PRKCE: variants seen among roughly 807,000 people sequenced by gnomAD.
PRKCE encodes the protein protein kinase C epsilon type.
Under a neutral mutation model 85.4 loss-of-function variants are expected in PRKCE, and 16 were observed. That is an observed-to-expected ratio of 0.19 (90% CI 0.13 to 0.28). The LOEUF (loss-of-function observed/expected upper bound fraction) is 0.28, where lower values mean the gene tolerates loss of function less well. PRKCE is among the 10% of genes least tolerant of loss of function. The pLI, the probability that PRKCE is intolerant of heterozygous loss-of-function variation, is 1.00. For missense variants in PRKCE, 573 were observed against 975.2 expected (o/e 0.59, Z 5.49); for synonymous variants, 388 against 371.5 (o/e 1.04, Z -0.51).
intron 1 of PRKCE, chr2:45,678,042 G>A (rs1027902363): frequency 1.5e-5 from 4 of 273,058 alleles, no homozygotes; most frequent in Admixed American, 6.5e-5. Context: ...GTTCTACACC[G>A]AGCCAGGGGG....
chr2:45,772,421 C>T (rs1285732003), intron 1 of PRKCE, among the ~76,000 whole-genome samples: 1 of 152,152 alleles, frequency 6.6e-6, no homozygotes, highest in East Asian at 1.9e-4. Context: ...GGACAGTCTC[C>T]TATCTCCAAG....
intron 11 of PRKCE, among the ~76,000 whole-genome samples, chr2:46,118,025 A>C (rs1672946310): frequency 6.6e-6 from 1 of 152,218 alleles, no homozygotes; most frequent in Non-Finnish European, 1.5e-5. Context: ...CTAATAGTCC[A>C]TGAAATCATG....
At chr2:45,953,906 A>C (rs528930595) in intron 2 of PRKCE, among the ~76,000 whole-genome samples, 11 of 152,328 alleles carry the variant, frequency 7.2e-5, no homozygotes, top group African/African-American at 2.4e-4. Flanking sequence ...CAGTTGATGT[A>C]GGCAAAGCAC....
intron 2 of PRKCE, among the ~76,000 whole-genome samples, chr2:45,957,714 C>T (rs957044154): frequency 1.3e-5 from 2 of 151,970 alleles, no homozygotes; most frequent in African/African-American, 4.8e-5. Context: ...AGTTTGAGAC[C>T]AGCCTGGGCA....
At chr2:45,965,991 T>C (rs988679123) in intron 2 of PRKCE, among the ~76,000 whole-genome samples, 4 of 151,948 alleles carry the variant, frequency 2.6e-5, no homozygotes, top group Non-Finnish European at 4.4e-5. Context: ...GGCAGATGTG[T>C]GGGGAGGTGG....
chr2:45,702,782 C>G (rs1678758038), intron 1 of PRKCE, among the ~76,000 whole-genome samples: 1 of 152,192 alleles, frequency 6.6e-6, no homozygotes, highest in African/African-American at 2.4e-5. Context: ...CGAACCACCT[C>G]TCTTTTCCAT....
At chr2:45,917,831 A>T (rs1165827631) in intron 2 of PRKCE, among the ~76,000 whole-genome samples, 2 of 152,192 alleles carry the variant, frequency 1.3e-5, no homozygotes, top group Non-Finnish European at 2.9e-5. Flanking sequence ...GAAGGCAGCT[A>T]AGGCCCGGCG....
chr2:45,738,114 TG>T (rs1207747872), intron 1 of PRKCE, among the ~76,000 whole-genome samples: 1 of 152,204 alleles, frequency 6.6e-6, no homozygotes, highest in Non-Finnish European at 1.5e-5. Flanking sequence ...CTGGCCTCCC[TG>T]CTGCCAATCT....
chr2:45,797,790 G>A (rs998037376), intron 1 of PRKCE, among the ~76,000 whole-genome samples: 1 of 152,192 alleles, frequency 6.6e-6, no homozygotes, highest in Non-Finnish European at 1.5e-5. Context: ...TAGCTTTGGC[G>A]CTTGGCGCTT....
intron 11 of PRKCE, among the ~76,000 whole-genome samples, chr2:46,121,739 C>T (rs17737466): frequency 0.1 from 15,837 of 152,202 alleles, 997 homozygotes; most frequent in Middle Eastern, 0.21. Context: ...GACAGGTGTG[C>T]CAGCCCTAAA....
At chr2:45,713,039 GT>G (rs1319026144) in intron 1 of PRKCE, among the ~76,000 whole-genome samples, 1 of 152,166 alleles carries the variant, frequency 6.6e-6, no homozygotes, top group African/African-American at 2.4e-5. Context: ...ACACCTTTGT[GT>G]TTTCATCTTG....
At chr2:46,069,406 T>A (rs1375135910) in intron 10 of PRKCE, among the ~76,000 whole-genome samples, 1 of 152,142 alleles carries the variant, frequency 6.6e-6, no homozygotes, top group Non-Finnish European at 1.5e-5. Flanking sequence ...AAGGATTTTT[T>A]AAAGTATATA....
intron 11 of PRKCE, among the ~76,000 whole-genome samples, chr2:46,115,121 C>T (rs866169407): frequency 5.3e-5 from 8 of 152,154 alleles, no homozygotes; most frequent in Non-Finnish European, 1.0e-4. Flanking sequence ...GTAGCGCAAC[C>T]GTCAGTTCTA....
intron 10 of PRKCE, among the ~76,000 whole-genome samples, chr2:46,066,503 G>T (rs1020512067): frequency 6.6e-6 from 1 of 152,186 alleles, no homozygotes; most frequent in Non-Finnish European, 1.5e-5. Flanking sequence ...AGGAATCCTA[G>T]ACTTATATTC....
chr2:46,013,853 G>A (rs1339031751), intron 10 of PRKCE, among the ~76,000 whole-genome samples: 1 of 152,158 alleles, frequency 6.6e-6, no homozygotes, highest in Non-Finnish European at 1.5e-5. Context: ...GCTTCAGACT[G>A]CACACTACAT....
At chr2:46,058,322 C>T (rs927344256) in intron 10 of PRKCE, among the ~76,000 whole-genome samples, 8 of 152,360 alleles carry the variant, frequency 5.3e-5, no homozygotes, top group African/African-American at 1.7e-4. Flanking sequence ...ACCACCCATC[C>T]AGCCTCTGGA....
At chr2:46,157,114 G>C (rs1444679234) in intron 13 of PRKCE, among the ~76,000 whole-genome samples, 1 of 152,214 alleles carries the variant, frequency 6.6e-6, no homozygotes, top group Non-Finnish European at 1.5e-5. Context: ...CTGCAACTCT[G>C]AATCACTGCA....
chr2:45,829,603 C>A (rs1690231826), intron 1 of PRKCE, among the ~76,000 whole-genome samples: 1 of 152,174 alleles, frequency 6.6e-6, no homozygotes, highest in Admixed American at 6.5e-5. Flanking sequence ...GAGCCCAGAA[C>A]ATGTGCAGAG....
chr2:45,841,691 C>G (rs1234739021), intron 1 of PRKCE, among the ~76,000 whole-genome samples: 1 of 152,198 alleles, frequency 6.6e-6, no homozygotes, highest in Non-Finnish European at 1.5e-5. Flanking sequence ...TCAATATTAA[C>G]CATCGCAGGA....
Sources: gnomAD v4.1 joint callset for allele counts (sites outside exome capture counted in the v4.1 genomes callset) on GRCh38, gnomAD v4.1.1 for gene constraint, MANE v1.5 for transcripts, NCBI Gene and HGNC (gene_info 2026-07-23, HGNC 2026-07-21) for gene names.